The following NFATC1 variants were observed in gnomAD, a reference collection of about 807,000 sequenced individuals.
NFATC1 encodes nuclear factor of activated T cells 1.
NFATC1 carries 22 observed loss-of-function variants against 76.0 expected under a neutral mutation model. The observed-to-expected ratio is 0.29, with a 90% CI of 0.21 to 0.41. The LOEUF is 0.41. Ranked by LOEUF, NFATC1 falls within the 10% of genes least tolerant of loss-of-function variation. NFATC1 has a pLI of 1.00. For synonymous variants in NFATC1, 704 were observed against 613.1 expected (o/e 1.15, Z -2.19); for missense variants, 1,357 against 1,337.7 (o/e 1.01, Z -0.23).
chr18:79,401,569 C>T (rs1157084836), intron 1 of NFATC1, among the ~76,000 whole-genome samples: 4 of 152,190 alleles, frequency 2.6e-5, no homozygotes, highest in African/African-American at 4.8e-5. Context: ...GCCCTGGCGC[C>T]GCCTTCCAGA....
intron 2 of NFATC1, among the ~76,000 whole-genome samples, chr18:79,425,007 GTCTCTCTCTCTGTCTCCATCTCTCTCCA>G (rs2086255217): frequency 1.4e-5 from 2 of 141,122 alleles, no homozygotes; most frequent in African/African-American, 5.4e-5. Flanking sequence ...CTCTGTGTCT[GTCTCTCTCTCTGTCTCCATCTCTCTCCA>G]TCTCTCTCTC....
At chr18:79,427,445 G>A (rs1306212080) in intron 2 of NFATC1, among the ~76,000 whole-genome samples, 10 of 103,414 alleles carry the variant, frequency 9.7e-5, no homozygotes, top group South Asian at 3.6e-4. Flanking sequence ...GGAGCTGGAC[G>A]GCTGGCCTCT....
At chr18:79,450,596 G>T (rs907531777) in intron 4 of NFATC1, among the ~76,000 whole-genome samples, 1 of 152,142 alleles carries the variant, frequency 6.6e-6, no homozygotes. Context: ...CGTGGCCAGC[G>T]TGGGCCCTGG....
chr18:79,408,894 A>G (rs1486852776), intron 1 of NFATC1, among the ~76,000 whole-genome samples: 1 of 140,716 alleles, frequency 7.1e-6, no homozygotes, highest in Non-Finnish European at 1.5e-5. Flanking sequence ...CCATCCATCC[A>G]TCATCCATCC....
intron 9 of NFATC1, among the ~76,000 whole-genome samples, chr18:79,514,301 G>T (rs542922390): frequency 3.9e-5 from 6 of 152,008 alleles, no homozygotes; most frequent in African/African-American, 1.5e-4. Context: ...TTAGCCAGGT[G>T]TGGTGGTGCA....
At chr18:79,413,898 T>A (rs1281296961) in intron 2 of NFATC1, among the ~76,000 whole-genome samples, 1 of 152,196 alleles carries the variant, frequency 6.6e-6, no homozygotes, top group Admixed American at 6.5e-5. Context: ...CGTGACCCTG[T>A]TAGCTTTATC....
intron 2 of NFATC1, among the ~76,000 whole-genome samples, chr18:79,413,730 G>A (rs1041805339): frequency 4.6e-5 from 7 of 152,206 alleles, no homozygotes; most frequent in African/African-American, 9.7e-5. Context: ...TTCCTTCTTC[G>A]TCTCCTGGGC....
chr18:79,521,143 TGTGTGTGTAGGG>T (rs1182988147), intron 9 of NFATC1, among the ~76,000 whole-genome samples: 1 of 79,490 alleles, frequency 1.3e-5, no homozygotes, highest in African/African-American at 5.3e-5. Flanking sequence ...TGTGTCTGTG[TGTGTGTGTAGGG>T]GGGGAGCATC....
chr18:79,481,267 G>A (rs1298925823), intron 8 of NFATC1, among the ~76,000 whole-genome samples: 1 of 152,252 alleles, frequency 6.6e-6, no homozygotes, highest in East Asian at 1.9e-4. Context: ...AGAGCTGGGG[G>A]CGCCATGGCC....
At chr18:79,515,092 C>T (rs530405238) in intron 9 of NFATC1, among the ~76,000 whole-genome samples, 1 of 152,112 alleles carries the variant, frequency 6.6e-6, no homozygotes, top group South Asian at 2.1e-4. Context: ...CACCTGTAAT[C>T]CCAGCACTTT....
chr18:79,451,600 C>A, intron 5 of NFATC1, 76 bp from the exon 6 acceptor site: 1 of 1,408,538 alleles, frequency 7.1e-7, no homozygotes, highest in South Asian at 1.7e-5. Flanking sequence ...TCACGTGTGA[C>A]CTGCTGGGTG....
chr18:79,504,333 C>T (rs1043777697), intron 9 of NFATC1, among the ~76,000 whole-genome samples: 2 of 152,140 alleles, frequency 1.3e-5, no homozygotes, highest in Admixed American at 6.5e-5. Flanking sequence ...TGGAGGCTGT[C>T]GTAGGGTTCT....
intron 8 of NFATC1, among the ~76,000 whole-genome samples, chr18:79,482,310 T>C (rs1167590965): frequency 2.9e-5 from 4 of 139,580 alleles, no homozygotes; most frequent in African/African-American, 8.2e-5. Context: ...AATTCCAGCG[T>C]GACCTGGTTC....
intron 1 of NFATC1, among the ~76,000 whole-genome samples, chr18:79,408,906 T>TC (rs1450396727): frequency 5.5e-5 from 8 of 146,742 alleles, no homozygotes; most frequent in Admixed American, 4.7e-4. Flanking sequence ...CATCCATCCA[T>TC]CATCATCCAT....
chr18:79,521,684 G>A (rs1187506346), intron 9 of NFATC1, among the ~76,000 whole-genome samples: 1 of 53,748 alleles, frequency 1.9e-5, no homozygotes, highest in African/African-American at 7.4e-5. Context: ...GTCTGCTGAT[G>A]TGTGTGTGTG....
rs927996987 is a variant in NFATC1, at chr18:79,524,903, C to T, written c.2783-2625C>T. Among the ~76,000 whole-genome samples, 3 of 152,028 alleles carry T rather than the reference C, an allele frequency of 2.0e-5. No individual in the cohort carries two copies. Among genetic ancestry groups the T allele is most frequent in the Admixed American group, 2.0e-4 (3 of 15,268 alleles). The stretch of plus-strand genomic sequence containing the variant: ...CGGGGAACAAGACGGCTCTCGGCGG[C>T]CATGCAGGCGGCCTGTCCCACGAAC... On this transcript the variant is annotated intron_variant, in intron 9 of 9. Coordinates refer to ENST00000427363, the MANE Select transcript of NFATC1 (RefSeq NM_001278669.2). This position sits in a 1 kb window ranked among gnomAD's most constrained non-coding sequence, Gnocchi z 7.2.
chr18:79,464,793 C>G (rs991732144), intron 7 of NFATC1, among the ~76,000 whole-genome samples: 17 of 149,852 alleles, frequency 1.1e-4, no homozygotes, highest in African/African-American at 3.9e-4. Flanking sequence ...GCAGCCTTGA[C>G]CTCCCAGGCT....
intron 3 of NFATC1, among the ~76,000 whole-genome samples, chr18:79,435,722 G>A (rs529542795): frequency 6.6e-6 from 1 of 152,296 alleles, no homozygotes; most frequent in African/African-American, 2.4e-5. Context: ...GAGGACTCAG[G>A]AAACTTGAAA....
rs567544806 is a variant in NFATC1 at position 79,510,854 on chromosome 18, G to A, written c.2783-16674G>A. On this transcript the variant is annotated intron_variant, in intron 9 of 9. Transcript: ENST00000427363. Reference sequence around the variant, plus strand: ...TCCTCTGCCGGGGCATCCTCTGCCGGGGCATCCTCTGCCGGGGCATCTTCC... The same window carrying A: ...TCCTCTGCCGGGGCATCCTCTGCCGAGGCATCCTCTGCCGGGGCATCTTCC... 4.0e-3 allele frequency among the ~76,000 whole-genome samples: 596 copies of A among 150,842 alleles called. 2 individuals carry two copies. Among genetic ancestry groups the A allele is most frequent in the African/African-American group, 0.014 (569 of 40,524 alleles).
Sources: gnomAD v4.1 joint callset for allele counts (sites outside exome capture counted in the v4.1 genomes callset) on GRCh38, gnomAD v4.1.1 for gene constraint, Gnocchi (gnomAD v3.1) non-coding constraint, MANE v1.5 for transcripts, NCBI Gene and HGNC (gene_info 2026-07-23, HGNC 2026-07-21) for gene names.